Variants in WRNIP1 observed in about 807,000 individuals in gnomAD.
WRNIP1 encodes ATPase WRNIP1.
Under a neutral mutation model 56.1 loss-of-function variants are expected in WRNIP1, and 41 were observed. That is an observed-to-expected ratio of 0.73 (90% CI 0.57 to 0.95). The LOEUF is 0.95. Ranked by LOEUF, WRNIP1 falls within the 40% of genes least tolerant of loss-of-function variation. WRNIP1 has a pLI of 0.00. For missense variants in WRNIP1, 1,170 were observed against 939.4 expected (o/e 1.25, Z -3.21); for synonymous variants, 547 against 398.1 (o/e 1.37, Z -4.45).
At chr6:2,783,367 C>T (rs373228019) in intron 4 of WRNIP1, 39 bp from the exon 5 acceptor site, 65 of 1,509,880 alleles carry the variant, frequency 4.3e-5, no homozygotes, top group Middle Eastern at 1.8e-4. Context: ...GGCGCCCCTC[C>T]TGTGAGCTCT....
Position 2,779,181 on chromosome 6 carries a change from G to A in WRNIP1, c.1257-82G>A, listed in dbSNP as rs1254113767. 36 of 1,414,388 alleles carry A rather than the reference G, an allele frequency of 2.5e-5. No individual in the cohort carries two copies. The Admixed American group carries it at 6.2e-4, about 24-fold the overall frequency. 87.6% of individuals were successfully genotyped at this position (1,414,388 alleles called of 1,614,324 possible). A position where few individuals can be genotyped will look rare whatever the true frequency, so the allele number is the denominator to read the frequency against. ...TTGAACTCTTCAGTGTCCTTGCTGA[G>A]AAGTATGAGTTTCTAAGACATGTGC... On this transcript the variant is annotated intron_variant, in intron 3 of 6. Coordinates refer to ENST00000380773, the MANE Select transcript of WRNIP1 (RefSeq NM_020135.3).
chr6:2,768,532 T>C (rs1056552629), intron 1 of WRNIP1, among the ~76,000 whole-genome samples, 159 bp from the exon 2 acceptor site: 5 of 152,250 alleles, frequency 3.3e-5, no homozygotes, highest in African/African-American at 9.6e-5. Flanking sequence ...TGTTTTTAAA[T>C]GTCCTGTGGT....
chr6:2,780,056 G>T (rs1581141534), intron 4 of WRNIP1, among the ~76,000 whole-genome samples: 7 of 152,302 alleles, frequency 4.6e-5, no homozygotes, highest in Admixed American at 4.6e-4. Flanking sequence ...TAGCAGATTT[G>T]ATACCAGCTC....
At chr6:2,783,653 T>TTTGTTGGG in intron 5 of WRNIP1, 92 bp downstream of exon 5, 1 of 119,820 alleles carries the variant, frequency 8.3e-6, no homozygotes. Context: ...TTTTTTTTTT[T>TTTGTTGGG]GCAGGGCGGG....
At chr6:2,775,728 C>G (rs575651230) in intron 3 of WRNIP1, among the ~76,000 whole-genome samples, 1 of 152,336 alleles carries the variant, frequency 6.6e-6, no homozygotes, top group Admixed American at 6.5e-5. Flanking sequence ...TAAAGCCCTT[C>G]TCATCAGTTG....
At chr6:2,773,346 T>C (rs1014381817) in intron 3 of WRNIP1, 49 of 985,314 alleles carry the variant, frequency 5.0e-5, no homozygotes, top group Admixed American at 1.2e-4. Flanking sequence ...GCCACGCTTA[T>C]ACGCCAAGTG....
chr6:2,773,042 G>A (rs1289073670), intron 3 of WRNIP1: 1 of 985,438 alleles, frequency 1.0e-6, no homozygotes, highest in Non-Finnish European at 1.2e-6. Flanking sequence ...GCACGTGAGA[G>A]GAGGTGAGCA....
At chr6:2,776,398 T>G (rs557435769) in intron 3 of WRNIP1, among the ~76,000 whole-genome samples, 1 of 152,338 alleles carries the variant, frequency 6.6e-6, no homozygotes, top group South Asian at 2.1e-4. Flanking sequence ...CGAAATACTT[T>G]CTTCTTTTGG....
In WRNIP1 at chr6:2,769,173, A is replaced by G. The variant is rs1165877186; in HGVS notation, c.1014+291A>G. ...AGTTTTAGGAATTTTTAATCTAAAT[A>G]CTAGGAGTCATTGTGAACAGTAAAA... is the stretch of plus-strand genomic sequence containing the variant. On this transcript the variant is annotated intron_variant, in intron 2 of 6. Transcript: ENST00000380773. Among the ~76,000 whole-genome samples, 4 of 152,234 alleles carry G rather than the reference A, an allele frequency of 2.6e-5. No homozygotes were observed. The East Asian group carries it at 7.7e-4, about 29-fold the overall frequency.
In WRNIP1 at chr6:2,769,020, G is replaced by A. The variant is rs917669584; in HGVS notation, c.1014+138G>A. ...AGGCTTGTGAACCCATCTCCTTCAAGCCTATTTCTCCATACATTTCTTAGT... is the reference window on the plus strand; with the variant it reads ...AGGCTTGTGAACCCATCTCCTTCAAACCTATTTCTCCATACATTTCTTAGT... On this transcript the variant is annotated intron_variant, in intron 2 of 6. Coordinates refer to ENST00000380773, the MANE Select transcript of WRNIP1 (RefSeq NM_020135.3). The A allele has an allele frequency of 9.1e-6, 7 of 765,714 alleles. No individual in the cohort carries two copies. In the African/African-American group the frequency reaches 1.1e-4, roughly 12 times the overall value. 47.4% of individuals were successfully genotyped at this position (765,714 alleles called of 1,614,324 possible).
At position 2,766,053 on chromosome 6, in the gene WRNIP1, C is replaced by T. The variant is rs1260190406; in HGVS notation, c.431C>T (p.Ala144Val). The T allele has an allele frequency of 3.1e-6, 4 of 1,293,156 alleles. No homozygotes were observed. Among genetic ancestry groups the T allele is most frequent in the South Asian group, 2.4e-5 (1 of 41,512 alleles). 80.1% of individuals were successfully genotyped at this position (1,293,156 alleles called of 1,614,324 possible). A position where few individuals can be genotyped will look rare whatever the true frequency, so the allele number is the denominator to read the frequency against. ...PGRKGSGKRP[A>V]AAAAAGSASP... ...AGGAAGGGGTCGGGGAAGAGGCCGGCGGCCGCCGCCGCGGCGGGGAGCGCG... is the reference window on the plus strand; with the variant it reads ...AGGAAGGGGTCGGGGAAGAGGCCGGTGGCCGCCGCCGCGGCGGGGAGCGCG... Residue 144 changes from alanine (A) to valine (V), a missense_variant, in exon 1 of 7, where the codon GCG becomes GTG. Ala to Val is a moderately conservative substitution (Grantham distance 64, BLOSUM62 0). Coordinates refer to ENST00000380773, the MANE Select transcript of WRNIP1 (RefSeq NM_020135.3).
chr6:2,778,186 C>T (rs1027020764), intron 3 of WRNIP1, among the ~76,000 whole-genome samples: 14 of 152,184 alleles, frequency 9.2e-5, no homozygotes, highest in African/African-American at 3.4e-4. Context: ...CCACCCCTCC[C>T]CGGCCCAGCC....
At chr6:2,775,849 T>C (rs1375458237) in intron 3 of WRNIP1, among the ~76,000 whole-genome samples, 4 of 152,240 alleles carry the variant, frequency 2.6e-5, no homozygotes, top group Non-Finnish European at 5.9e-5. Context: ...ATAAATAGTG[T>C]TTTATTATAA....
At position 2,766,051 on chromosome 6, in the gene WRNIP1, GGCGGCCGCC is replaced by G; in HGVS notation, c.432_440del (p.Ala147_Ala149del). 7.7e-7 allele frequency: 1 copy of G among 1,295,550 alleles called. No individual in the cohort carries two copies. Among genetic ancestry groups the G allele is most frequent in the East Asian group, 3.1e-5 (1 of 31,954 alleles). The allele number at this position is 1,295,550 out of a possible 1,614,324, so 80.3% of individuals were successfully genotyped here. On this transcript the variant is annotated inframe_deletion, in exon 1 of 7. Coordinates refer to ENST00000380773, the MANE Select transcript of WRNIP1 (RefSeq NM_020135.3). The stretch of plus-strand genomic sequence containing the variant: ...GGAGGAAGGGGTCGGGGAAGAGGCC[GGCGGCCGCC>G]GCCGCGGCGGGGAGCGCGTCTCCGC...
In WRNIP1 at chr6:2,768,626, C is replaced by T. The variant is rs1765134984; in HGVS notation, c.823-65C>T. 7.2e-6 allele frequency: 10 copies of T among 1,395,742 alleles called. No individual in the cohort carries two copies. The South Asian group carries it at 9.5e-5, about 13-fold the overall frequency. 86.5% of individuals were successfully genotyped at this position (1,395,742 alleles called of 1,614,324 possible). A position where few individuals can be genotyped will look rare whatever the true frequency, so the allele number is the denominator to read the frequency against. ...ATAGTGATGCTGCGTGTGGTGGTTC[C>T]CATGGGTGCTGGTCTCTCTGTGTCT... On this transcript the variant is annotated intron_variant, in intron 1 of 6. Coordinates refer to ENST00000380773, the MANE Select transcript of WRNIP1 (RefSeq NM_020135.3).
intron 3 of WRNIP1, among the ~76,000 whole-genome samples, chr6:2,770,951 C>T (rs1021339327): frequency 6.6e-6 from 1 of 152,102 alleles, no homozygotes; most frequent in African/African-American, 2.4e-5. Context: ...TTTTAGTGAC[C>T]TATTTCTGCA....
rs944256977 is a variant in WRNIP1 at position 2,786,822 on chromosome 6, G to C, written c.*1540G>C. ...TGTCTTTGCTCCCCGTGTTTTAAAAGTCTGCACTGGGTACTTGTTGGGCCT... is the reference window on the plus strand; with the variant it reads ...TGTCTTTGCTCCCCGTGTTTTAAAACTCTGCACTGGGTACTTGTTGGGCCT... On this transcript the variant is annotated 3_prime_UTR_variant, in exon 7 of 7. Coordinates refer to ENST00000380773, the MANE Select transcript of WRNIP1 (RefSeq NM_020135.3). The C allele has an allele frequency of 6.6e-6, 1 of 152,166 alleles. No individual in the cohort carries two copies. Among genetic ancestry groups the C allele is most frequent in the African/African-American group, 2.4e-5 (1 of 41,438 alleles). 9.4% of individuals were successfully genotyped at this position (152,166 alleles called of 1,614,324 possible). A position where few individuals can be genotyped will look rare whatever the true frequency, so the allele number is the denominator to read the frequency against.
rs781163706 is a variant in WRNIP1 at position 2,779,455 on chromosome 6, G to T, written c.1449G>T (p.Glu483Asp). The change falls in exon 4 of 7, where the codon GAG becomes GAT. Residue 483 changes from glutamate to aspartate, a missense_variant. Glu to Asp is a conservative substitution (Grantham distance 45). Transcript: ENST00000380773. ...TGATCACAGAGAATGACGTGAAGGA[G>T]GGCCTACAGCGATCCCACATTTTAT... Reference protein sequence around the residue: ...RVLITENDVKEGLQRSHILYD... With the variant: ...RVLITENDVKDGLQRSHILYD... 5.6e-6 allele frequency: 9 copies of T among 1,614,186 alleles called. No individual in the cohort carries two copies. The South Asian group carries it at 8.8e-5, about 16-fold the overall frequency.
intron 4 of WRNIP1, among the ~76,000 whole-genome samples, chr6:2,781,172 G>C (rs1331141133): frequency 6.6e-6 from 1 of 152,222 alleles, no homozygotes; most frequent in Non-Finnish European, 1.5e-5. Context: ...AGCGGATCTT[G>C]GAGGGGTTCA....
Sources: gnomAD v4.1 joint callset for allele counts (sites outside exome capture counted in the v4.1 genomes callset) on GRCh38, gnomAD v4.1.1 for gene constraint, MANE v1.5 for transcripts, NCBI Gene and HGNC (gene_info 2026-07-23, HGNC 2026-07-21) for gene names.